NUBPL: variants seen among roughly 807,000 people sequenced by gnomAD.
NUBPL encodes iron-sulfur cluster transfer protein NUBPL.
A neutral mutation model predicts 45.7 loss-of-function variants in NUBPL; 31 were observed. The observed-to-expected ratio is 0.68, with a 90% confidence interval of 0.51 to 0.92. The LOEUF is 0.92. Ranked by LOEUF, NUBPL falls within the 40% of genes least tolerant of loss-of-function variation. NUBPL has a pLI of 0.00. For synonymous variants in NUBPL, 144 were observed against 140.9 expected (o/e 1.02, Z -0.15); for missense variants, 401 against 398.7 (o/e 1.01, Z -0.05).
rs553584504 is a variant in NUBPL, at chr14:31,752,455, A to G, written c.514-35325A>G. Among the ~76,000 whole-genome samples the G allele has an allele frequency of 7.9e-5, 12 of 152,320 alleles. No homozygotes were observed. In the East Asian group the frequency reaches 2.3e-3, roughly 29 times the overall value. ...TCCCCAGATCTCTGAGGCAGAGGCA[A>G]AATGCTACCAGTCTCTTCGCTAAAG... is the stretch of plus-strand genomic sequence containing the variant. On this transcript the variant is annotated intron_variant, in intron 6 of 10. Coordinates refer to ENST00000281081, the MANE Select transcript of NUBPL (RefSeq NM_025152.3).
chr14:31,566,096 T>A (rs2033427770), intron 3 of NUBPL, among the ~76,000 whole-genome samples: 1 of 152,168 alleles, frequency 6.6e-6, no homozygotes, highest in Non-Finnish European at 1.5e-5. Context: ...TATGTTTAAC[T>A]GTGGCTATAC....
intron 4 of NUBPL, among the ~76,000 whole-genome samples, chr14:31,671,881 A>G (rs200229826): frequency 6.6e-6 from 1 of 151,712 alleles, no homozygotes; most frequent in Non-Finnish European, 1.5e-5. Flanking sequence ...TCTTGACAAG[A>G]GGGGAAAAAC....
intron 3 of NUBPL, among the ~76,000 whole-genome samples, chr14:31,579,133 C>T (rs910538159): frequency 6.6e-6 from 1 of 152,126 alleles, no homozygotes; most frequent in African/African-American, 2.4e-5. Context: ...AGCCTTTGCT[C>T]TCAAATTTGT....
chr14:31,737,024 T>C (rs1281267528), intron 6 of NUBPL, among the ~76,000 whole-genome samples: 1 of 152,234 alleles, frequency 6.6e-6, no homozygotes, highest in Non-Finnish European at 1.5e-5. Context: ...TGTTTGTTTT[T>C]TTCTTACTGA....
In NUBPL at chr14:31,787,741, A is replaced by G. The variant is rs1300850665; in HGVS notation, c.514-39A>G. 5.2e-6 allele frequency: 7 copies of G among 1,334,548 alleles called. No individual in the cohort carries two copies. In the Admixed American group the frequency reaches 6.7e-5, roughly 13 times the overall value. 82.7% of individuals were successfully genotyped at this position (1,334,548 alleles called of 1,614,324 possible). A position where few individuals can be genotyped will look rare whatever the true frequency, so the allele number is the denominator to read the frequency against. On this transcript the variant is annotated intron_variant, in intron 6 of 10. Transcript: ENST00000281081. Reference sequence around the variant, plus strand: ...TTGTTTACATCACTATTCAACATTGAATTTTTATACAATGATATAATCTAT... The same window carrying G: ...TTGTTTACATCACTATTCAACATTGGATTTTTATACAATGATATAATCTAT...
intron 6 of NUBPL, among the ~76,000 whole-genome samples, chr14:31,748,059 T>C (rs1180791098): frequency 3.3e-5 from 5 of 152,238 alleles, no homozygotes; most frequent in African/African-American, 1.2e-4. Flanking sequence ...CGTTGACCCA[T>C]TGGTCATTCA....
At chr14:31,733,033 C>T (rs1374476052) in intron 6 of NUBPL, among the ~76,000 whole-genome samples, 1 of 152,142 alleles carries the variant, frequency 6.6e-6, no homozygotes, top group Non-Finnish European at 1.5e-5. Flanking sequence ...ATGATCATCT[C>T]AAATTAATTT....
At chr14:31,612,677 G>T (rs1240952810) in intron 4 of NUBPL, among the ~76,000 whole-genome samples, 3 of 147,096 alleles carry the variant, frequency 2.0e-5, no homozygotes, top group Non-Finnish European at 3.0e-5. Flanking sequence ...AAAAAGAAAA[G>T]AAAAGAAAAG....
At chr14:31,658,620 C>T (rs1424527939) in intron 4 of NUBPL, among the ~76,000 whole-genome samples, 4 of 151,466 alleles carry the variant, frequency 2.6e-5, no homozygotes, top group African/African-American at 7.3e-5. Context: ...TCAAGTGATT[C>T]TCCCACCTCA....
chr14:31,637,612 G>T (rs2139683569), intron 4 of NUBPL, among the ~76,000 whole-genome samples: 1 of 152,268 alleles, frequency 6.6e-6, no homozygotes, highest in African/African-American at 2.4e-5. Flanking sequence ...GGTCCACTTG[G>T]TGCAGAGCTG....
rs373256879 is a variant in NUBPL at position 31,635,557 on chromosome 14, T to C, written c.382+36178T>C. 5.3e-4 allele frequency among the ~76,000 whole-genome samples: 80 copies of C among 152,184 alleles called. No homozygotes were observed. In the East Asian group the frequency reaches 0.013, roughly 25 times the overall value. Reference sequence around the variant, plus strand: ...CAGCTTTGTTCTTTTGGCTCAGGATTGACTTGGCGATGTGGGCTCTTTTTT... The same window carrying C: ...CAGCTTTGTTCTTTTGGCTCAGGATCGACTTGGCGATGTGGGCTCTTTTTT... On this transcript the variant is annotated intron_variant, in intron 4 of 10. Coordinates refer to ENST00000281081, the MANE Select transcript of NUBPL (RefSeq NM_025152.3).
chr14:31,778,129 G>A (rs2039128867), intron 6 of NUBPL, among the ~76,000 whole-genome samples: 2 of 152,236 alleles, frequency 1.3e-5, no homozygotes, highest in Non-Finnish European at 2.9e-5. Flanking sequence ...TGGAGAGCAG[G>A]AGGCGTAGAA....
intron 7 of NUBPL, among the ~76,000 whole-genome samples, chr14:31,789,845 TATGAG>T (rs369711055): frequency 1.2e-4 from 18 of 152,126 alleles, no homozygotes; most frequent in African/African-American, 4.3e-4. Flanking sequence ...GGCTGTAAAA[TATGAG>T]ATGGGAGTAA....
chr14:31,598,306 C>T (rs1243647101), intron 3 of NUBPL, among the ~76,000 whole-genome samples: 1 of 151,990 alleles, frequency 6.6e-6, no homozygotes, highest in Non-Finnish European at 1.5e-5. Context: ...AGGTAGGTAA[C>T]ATCGAAGATG....
chr14:31,621,365 C>T (rs1325228284), intron 4 of NUBPL, among the ~76,000 whole-genome samples: 1 of 152,126 alleles, frequency 6.6e-6, no homozygotes, highest in African/African-American at 2.4e-5. Context: ...TCGGTGTCTG[C>T]CTAAGTGGCC....
chr14:31,588,775 G>A (rs1371992797), intron 3 of NUBPL, among the ~76,000 whole-genome samples: 9 of 151,636 alleles, frequency 5.9e-5, no homozygotes, highest in South Asian at 2.1e-4. Context: ...AAAAATTAGC[G>A]GGGCGTGGTA....
chr14:31,640,890 A>G (rs1227693893), intron 4 of NUBPL, among the ~76,000 whole-genome samples: 1 of 152,098 alleles, frequency 6.6e-6, no homozygotes, highest in Non-Finnish European at 1.5e-5. Context: ...CAATTGATTA[A>G]TGTTAACTGT....
chr14:31,676,552 C>T (rs184050163), intron 6 of NUBPL, among the ~76,000 whole-genome samples: 10 of 151,768 alleles, frequency 6.6e-5, no homozygotes, highest in Admixed American at 6.5e-4. Context: ...CAGAAGTTTT[C>T]CAGTTGCTTC....
At chr14:31,580,515 G>A (rs1325337353) in intron 3 of NUBPL, among the ~76,000 whole-genome samples, 1 of 152,148 alleles carries the variant, frequency 6.6e-6, no homozygotes, top group East Asian at 1.9e-4. Context: ...CTACTCAGAA[G>A]GCTGAGGCAG....
Sources: gnomAD v4.1 joint callset for allele counts (sites outside exome capture counted in the v4.1 genomes callset) on GRCh38, gnomAD v4.1.1 for gene constraint, MANE v1.5 for transcripts, NCBI Gene and HGNC (gene_info 2026-07-23, HGNC 2026-07-21) for gene names.